The following CDH11 variants were observed in gnomAD, a reference collection of about 807,000 sequenced individuals.
CDH11 encodes cadherin-11.
CDH11 carries 11 observed loss-of-function variants against 67.8 expected under a neutral mutation model. The ratio of observed to expected loss-of-function variants is 0.16; its 90% confidence interval spans 0.10 to 0.27. The LOEUF is 0.27. Ranked by LOEUF, CDH11 falls within the 10% of genes least tolerant of loss-of-function variation. CDH11 has a pLI of 1.00. For missense variants in CDH11, 847 were observed against 1,031.2 expected (o/e 0.82, Z 2.45); for synonymous variants, 419 against 400.0 (o/e 1.05, Z -0.57).
intron 2 of CDH11, among the ~76,000 whole-genome samples, chr16:65,010,805 C>T (rs1020794023): frequency 6.6e-6 from 1 of 151,874 alleles, no homozygotes; most frequent in Non-Finnish European, 1.5e-5. Context: ...ATCCTGGTTC[C>T]ATCACTCATG....
chr16:65,072,846 T>C (rs886339471), intron 1 of CDH11, among the ~76,000 whole-genome samples: 1 of 152,240 alleles, frequency 6.6e-6, no homozygotes, highest in Non-Finnish European at 1.5e-5. Context: ...ACTCAACCTC[T>C]GCATACCTCC....
chr16:64,961,803 T>C (rs567502027), intron 11 of CDH11, among the ~76,000 whole-genome samples: 2 of 152,162 alleles, frequency 1.3e-5, no homozygotes, highest in East Asian at 1.9e-4. Flanking sequence ...CAGACAAAAC[T>C]ATATTATCTT....
intron 1 of CDH11, among the ~76,000 whole-genome samples, chr16:65,054,745 A>G (rs9931482): frequency 3.5e-4 from 54 of 152,344 alleles, no homozygotes; most frequent in African/African-American, 1.3e-3. Flanking sequence ...ACACAACAGC[A>G]TAAAGGAGTT....
At chr16:64,973,772 C>T (rs538923861) in intron 8 of CDH11, among the ~76,000 whole-genome samples, 7 of 151,920 alleles carry the variant, frequency 4.6e-5, no homozygotes, top group Non-Finnish European at 8.8e-5. Flanking sequence ...TGCCACTGCA[C>T]TCCAGCGTGG....
chr16:65,005,614 C>T (rs1157349019), intron 2 of CDH11, among the ~76,000 whole-genome samples: 1 of 152,070 alleles, frequency 6.6e-6, no homozygotes, highest in African/African-American at 2.4e-5. Context: ...AGGGGAAGAT[C>T]CCAAGAAACC....
At chr16:65,060,002 T>C (rs191204633) in intron 1 of CDH11, among the ~76,000 whole-genome samples, 52 of 152,284 alleles carry the variant, frequency 3.4e-4, no homozygotes, top group Admixed American at 2.2e-3. Context: ...ACAACTGAGG[T>C]ACTAGAAGCT....
chr16:64,999,629 G>A (rs1440795516), intron 3 of CDH11, among the ~76,000 whole-genome samples: 1 of 152,076 alleles, frequency 6.6e-6, no homozygotes, highest in African/African-American at 2.4e-5. Context: ...TGCCTCCCAT[G>A]TTCAAGCGAT....
intron 2 of CDH11, among the ~76,000 whole-genome samples, chr16:65,052,893 AGAGGAATTAACTGCTATTG>A (rs1021533936): frequency 2.6e-5 from 4 of 152,236 alleles, no homozygotes; most frequent in Non-Finnish European, 5.9e-5. Context: ...ATAGGAATCA[AGAGGAATTAACTGCTATTG>A]GAGGTGAGGG....
chr16:65,060,804 A>T lies in CDH11; in HGVS notation c.-297-6876T>A, dbSNP rs139641746. 7.2e-5 allele frequency among the ~76,000 whole-genome samples: 11 copies of T among 152,340 alleles called. No individual in the cohort carries two copies. In the East Asian group the frequency reaches 2.1e-3, roughly 29 times the overall value. ...AAGAATGGTGATTTTTACATTAAAA[A>T]AAAAACTTGACAATATTAAAATTCT... is the stretch of plus-strand genomic sequence containing the variant. On this transcript the variant is annotated intron_variant, in intron 1 of 12. Transcript: ENST00000268603.
Position 64,971,532 on chromosome 16 carries a change from G to A in CDH11, c.1642+47C>T, listed in dbSNP as rs758715267. Reference sequence around the variant, plus strand: ...GTGCTATGCAATGTAAACGCCATTTGTTTTCCAGTTCTACTTCTCTGAATG... The same window carrying A: ...GTGCTATGCAATGTAAACGCCATTTATTTTCCAGTTCTACTTCTCTGAATG... On this transcript the variant is annotated intron_variant, in intron 11 of 12. Coordinates refer to ENST00000268603, the MANE Select transcript of CDH11 (RefSeq NM_001797.4). 7 of 1,115,570 alleles carry A rather than the reference G, an allele frequency of 6.3e-6. No homozygotes were observed. The South Asian group carries it at 7.9e-5, about 13-fold the overall frequency. 69.1% of individuals were successfully genotyped at this position (1,115,570 alleles called of 1,614,324 possible). A position where few individuals can be genotyped will look rare whatever the true frequency, so the allele number is the denominator to read the frequency against.
At chr16:65,008,381 T>C (rs570755293) in intron 2 of CDH11, among the ~76,000 whole-genome samples, 1 of 152,360 alleles carries the variant, frequency 6.6e-6, no homozygotes, top group South Asian at 2.1e-4. Flanking sequence ...CTATATGTGA[T>C]ACAGAAAGTT....
At chr16:65,069,447 C>T (rs1443615078) in intron 1 of CDH11, among the ~76,000 whole-genome samples, 1 of 152,208 alleles carries the variant, frequency 6.6e-6, no homozygotes, top group Non-Finnish European at 1.5e-5. Context: ...TCTGGAAACA[C>T]TTTTTAATCT....
intron 1 of CDH11, among the ~76,000 whole-genome samples, chr16:65,113,287 G>GC (rs566533170): frequency 1.2e-4 from 15 of 129,062 alleles, no homozygotes; most frequent in South Asian, 7.7e-4. Context: ...TTCCATCTCA[G>GC]AAAAAAAAAA....
At chr16:64,978,192 A>G (rs2072231814) in intron 8 of CDH11, among the ~76,000 whole-genome samples, 1 of 152,210 alleles carries the variant, frequency 6.6e-6, no homozygotes, top group Non-Finnish European at 1.5e-5. Context: ...AAAAACTGTG[A>G]GCTTGACCTT....
chr16:65,002,930 CT>C lies in CDH11; in HGVS notation c.228+1711del, dbSNP rs1011429142. On this transcript the variant is annotated intron_variant, in intron 3 of 12. Transcript: ENST00000268603. The stretch of plus-strand genomic sequence containing the variant: ...ATTCTATTATTCATTTTCTTTTTTT[CT>C]TTTTTTTTTTTTAATTGCTTAGGTA... 7.0e-3 allele frequency among the ~76,000 whole-genome samples: 981 copies of C among 140,582 alleles called. 7 individuals carry two copies. The highest frequency in any genetic ancestry group is 0.017 in the African/African-American group (647 of 38,622). 92.2% of individuals were successfully genotyped at this position (140,582 alleles called of 152,430 possible).
rs150555377 is a variant in CDH11 at position 64,988,488 on chromosome 16, G to A, written c.812-144C>T. The stretch of plus-strand genomic sequence containing the variant: ...GAAAACATGAAAGAAGTGAGTGGAT[G>A]TGGGGAGGAGGATCCCACATGGCCT... On this transcript the variant is annotated intron_variant, in intron 6 of 12. Coordinates refer to ENST00000268603, the MANE Select transcript of CDH11 (RefSeq NM_001797.4). 1.9e-4 allele frequency: 131 copies of A among 703,890 alleles called. No homozygotes were observed. In the African/African-American group the frequency reaches 2.0e-3, roughly 11 times the overall value. The allele number at this position is 703,890 out of a possible 1,614,324, so 43.6% of individuals were successfully genotyped here.
chr16:65,062,057 C>A (rs545006271), intron 1 of CDH11, among the ~76,000 whole-genome samples: 23 of 152,166 alleles, frequency 1.5e-4, no homozygotes, highest in Non-Finnish European at 2.8e-4. Context: ...GTACTCTACT[C>A]CATTCTTTGG....
chr16:64,999,896 T>C (rs570352462), intron 3 of CDH11, among the ~76,000 whole-genome samples: 3 of 152,304 alleles, frequency 2.0e-5, no homozygotes, highest in Admixed American at 6.5e-5. Context: ...TTAGCTTGTT[T>C]CCTGGCTTTT....
chr16:65,123,460 A>C (rs1297460267), upstream of CDH11, among the ~76,000 whole-genome samples: 1 of 151,900 alleles, frequency 6.6e-6, no homozygotes, highest in Non-Finnish European at 1.5e-5. Flanking sequence ...GAGTTAACGG[A>C]AAAAGAGGCC....
Sources: gnomAD v4.1 joint callset for allele counts (sites outside exome capture counted in the v4.1 genomes callset) on GRCh38, gnomAD v4.1.1 for gene constraint, MANE v1.5 for transcripts, NCBI Gene and HGNC (gene_info 2026-07-23, HGNC 2026-07-21) for gene names.